Variants in TRAPPC9 observed in about 807,000 individuals in gnomAD.
The protein encoded by TRAPPC9 is trafficking protein particle complex subunit 9.
TRAPPC9 carries 83 observed loss-of-function variants against 124.0 expected under a neutral mutation model. The ratio of observed to expected loss-of-function variants is 0.67; its 90% confidence interval spans 0.56 to 0.80. The LOEUF (loss-of-function observed/expected upper bound fraction) is 0.80, where lower values mean the gene tolerates loss of function less well. TRAPPC9 is among the 30% of genes least tolerant of loss of function. TRAPPC9 has a pLI of 0.00. For synonymous variants in TRAPPC9, 638 were observed against 617.5 expected (o/e 1.03, Z -0.49); for missense variants, 1,302 against 1,508.3 (o/e 0.86, Z 2.27).
chr8:140,171,417 T>C (rs377541666), intron 17 of TRAPPC9, among the ~76,000 whole-genome samples: 1 of 152,230 alleles, frequency 6.6e-6, no homozygotes, highest in Non-Finnish European at 1.5e-5. Flanking sequence ...ATGTATAAAA[T>C]GGAACATCAT....
At chr8:139,881,584 T>G in intron 21 of TRAPPC9, among the ~76,000 whole-genome samples, 1 of 152,146 alleles carries the variant, frequency 6.6e-6, no homozygotes, top group East Asian at 1.9e-4. Context: ...ATGGCTGAAG[T>G]GCTGCGTCTC....
At chr8:139,859,528 A>C (rs1162268617) in intron 21 of TRAPPC9, among the ~76,000 whole-genome samples, 1 of 152,224 alleles carries the variant, frequency 6.6e-6, no homozygotes, top group African/African-American at 2.4e-5. Flanking sequence ...CCCTGATGAC[A>C]TCATGACACT....
intron 9 of TRAPPC9, among the ~76,000 whole-genome samples, chr8:140,312,668 A>C (rs1424947258): frequency 6.6e-6 from 1 of 152,008 alleles, no homozygotes; most frequent in Non-Finnish European, 1.5e-5. Flanking sequence ...ATATCAAGGC[A>C]AGGGCTTCAT....
intron 21 of TRAPPC9, among the ~76,000 whole-genome samples, chr8:139,866,516 A>C (rs1359486664): frequency 6.6e-6 from 1 of 152,118 alleles, no homozygotes; most frequent in Non-Finnish European, 1.5e-5. Context: ...CCCCTTGGTG[A>C]CCCGTTGAGA....
chr8:140,169,839 C>T (rs952614897), intron 17 of TRAPPC9, among the ~76,000 whole-genome samples: 3 of 152,060 alleles, frequency 2.0e-5, no homozygotes, highest in Non-Finnish European at 4.4e-5. Context: ...CCGGGCTCAA[C>T]TGATCCTCCC....
intron 21 of TRAPPC9, among the ~76,000 whole-genome samples, chr8:139,777,515 G>A (rs1182290888): frequency 6.6e-6 from 1 of 152,212 alleles, no homozygotes; most frequent in Non-Finnish European, 1.5e-5. Context: ...TTTCCTGAAT[G>A]AGCAAATGAA....
chr8:139,922,770 C>T (rs1044191568), intron 19 of TRAPPC9, among the ~76,000 whole-genome samples: 6 of 152,104 alleles, frequency 3.9e-5, no homozygotes, highest in South Asian at 2.1e-4. Context: ...CAGAGGCAGG[C>T]GAGAGGTAAA....
chr8:139,807,196 C>T (rs1470384598), intron 21 of TRAPPC9, among the ~76,000 whole-genome samples: 1 of 152,172 alleles, frequency 6.6e-6, no homozygotes, highest in South Asian at 2.1e-4. Context: ...GAGTAGGGGC[C>T]AGAAAGCATA....
chr8:140,316,437 C>T (rs1273981378), intron 9 of TRAPPC9, among the ~76,000 whole-genome samples: 1 of 152,110 alleles, frequency 6.6e-6, no homozygotes, highest in Non-Finnish European at 1.5e-5. Flanking sequence ...TTCTTAACAC[C>T]TAATTTGTTG....
intron 21 of TRAPPC9, among the ~76,000 whole-genome samples, chr8:139,876,708 C>CA (rs1450388456): frequency 6.6e-6 from 1 of 152,212 alleles, no homozygotes; most frequent in African/African-American, 2.4e-5. Flanking sequence ...ATCCTCCATG[C>CA]AACCTTAGGC....
chr8:140,194,270 C>T (rs1364427919), intron 17 of TRAPPC9, among the ~76,000 whole-genome samples: 1 of 152,054 alleles, frequency 6.6e-6, no homozygotes, highest in East Asian at 1.9e-4. Context: ...CCTTCACACC[C>T]CACCCACAGT....
chr8:140,183,492 C>T (rs906197602), intron 17 of TRAPPC9, among the ~76,000 whole-genome samples: 1 of 152,198 alleles, frequency 6.6e-6, no homozygotes, highest in African/African-American at 2.4e-5. Flanking sequence ...TGAGAGTTCA[C>T]ATCTGAATTG....
intron 17 of TRAPPC9, among the ~76,000 whole-genome samples, chr8:140,193,717 G>A (rs552487988): frequency 4.0e-5 from 6 of 149,974 alleles, no homozygotes; most frequent in Admixed American, 6.7e-5. Flanking sequence ...CAGGAGGCCC[G>A]CTGTGCTAAT....
intron 19 of TRAPPC9, among the ~76,000 whole-genome samples, chr8:139,943,503 G>C (rs1046718385): frequency 2.0e-5 from 3 of 152,192 alleles, no homozygotes; most frequent in Admixed American, 2.0e-4. Context: ...GGATATAATT[G>C]AAAGTTAACT....
chr8:139,757,586 G>T (rs1416987365), intron 21 of TRAPPC9, among the ~76,000 whole-genome samples: 4 of 151,986 alleles, frequency 2.6e-5, no homozygotes, highest in African/African-American at 9.7e-5. Flanking sequence ...ATGGCATGTC[G>T]CAGGGGCCCT....
intron 20 of TRAPPC9, among the ~76,000 whole-genome samples, chr8:139,902,684 G>A (rs1831094884): frequency 1.3e-5 from 2 of 152,186 alleles, no homozygotes; most frequent in Non-Finnish European, 2.9e-5. Context: ...ATTTTTTTCA[G>A]GAGATAAGAC....
At chr8:140,049,946 T>G (rs1841877185) in intron 17 of TRAPPC9, among the ~76,000 whole-genome samples, 1 of 152,180 alleles carries the variant, frequency 6.6e-6, no homozygotes, top group South Asian at 2.1e-4. Flanking sequence ...GAGCAGATAG[T>G]GTGTAACTGT....
chr8:139,967,879 C>T (rs770439901), intron 19 of TRAPPC9, among the ~76,000 whole-genome samples: 6 of 152,132 alleles, frequency 3.9e-5, no homozygotes, highest in Non-Finnish European at 5.9e-5. Flanking sequence ...TGGCTCACAC[C>T]TATAATCCCA....
At chr8:139,966,105 C>A (rs2131586580) in intron 19 of TRAPPC9, among the ~76,000 whole-genome samples, 1 of 151,986 alleles carries the variant, frequency 6.6e-6, no homozygotes, top group African/African-American at 2.4e-5. Flanking sequence ...TGCCTCTGGG[C>A]CCCTCCAAGC....
Sources: gnomAD v4.1 joint callset for allele counts (sites outside exome capture counted in the v4.1 genomes callset) on GRCh38, gnomAD v4.1.1 for gene constraint, MANE v1.5 for transcripts, NCBI Gene and HGNC (gene_info 2026-07-23, HGNC 2026-07-21) for gene names.